The following SLC25A47 variants were observed in gnomAD, a reference collection of about 807,000 sequenced individuals.
SLC25A47 encodes the protein solute carrier family 25 member 47.
Under a neutral mutation model 29.8 loss-of-function variants are expected in SLC25A47, and 30 were observed. That is an observed-to-expected ratio of 1.01 (90% confidence interval 0.75 to 1.36). The LOEUF is 1.36. Among genes scored for constraint, SLC25A47 ranks in the 40% most tolerant of loss-of-function variants. The probability of loss-of-function intolerance (pLI) is 0.00; values close to 1 mark genes in which losing one functional copy is unlikely to be tolerated. For synonymous variants in SLC25A47, 204 were observed against 197.8 expected, an observed-to-expected ratio of 1.03 and a Z score of -0.26; for missense variants, 430 against 441.9, an observed-to-expected ratio of 0.97 and a Z score of 0.24.
At chr14:100,325,540 G>C (rs1334465656) in intron 1 of SLC25A47, among the ~76,000 whole-genome samples, 1 of 152,210 alleles carries the variant, frequency 6.6e-6, no homozygotes, top group Admixed American at 6.5e-5. Flanking sequence ...AGGCAGTCCC[G>C]GGCCAGGACT....
chr14:100,329,325 C>A, intron 5 of SLC25A47, 40 bp from the exon 6 acceptor site: 1 of 1,549,126 alleles, frequency 6.5e-7, no homozygotes. Flanking sequence ...CTGGGCGCCC[C>A]GATCAGGCTC....
chr14:100,329,675 C>G lies in SLC25A47; in HGVS notation c.*30C>G, dbSNP rs764121561. The G allele has an allele frequency of 6.3e-7, 1 of 1,586,072 alleles. No homozygotes were observed. The highest frequency in any genetic ancestry group is 8.6e-7 in the Non-Finnish European group (1 of 1,165,514). ...TCCCCACGCCCAGCGGCCCACCCAC[C>G]AGCAGCTGCTGGAGGTCGTAGTGGC... On this transcript the variant is annotated 3_prime_UTR_variant, in exon 6 of 6. Coordinates refer to ENST00000361529, the MANE Select transcript of SLC25A47 (RefSeq NM_207117.4).
intron 4 of SLC25A47, 70 bp from the exon 5 acceptor site, chr14:100,328,656 G>C: frequency 6.7e-7 from 1 of 1,488,730 alleles, no homozygotes; most frequent in Non-Finnish European, 9.4e-7. Flanking sequence ...ACATGAGGCT[G>C]GTGGGAGGCC....
chr14:100,328,034 A>T (rs1893372102), intron 4 of SLC25A47, among the ~76,000 whole-genome samples: 1 of 151,812 alleles, frequency 6.6e-6, no homozygotes, highest in Non-Finnish European at 1.5e-5. Context: ...TGAAATCATG[A>T]GGGTAAAGCC....
Position 100,326,239 on chromosome 14 carries a change from G to A in SLC25A47, c.144+11G>A, listed in dbSNP as rs778416816. 1 of 1,613,090 alleles carries A rather than the reference G, an allele frequency of 6.2e-7. No individual in the cohort carries two copies. Among genetic ancestry groups the A allele is most frequent in the Non-Finnish European group, 8.5e-7 (1 of 1,179,632 alleles). On this transcript the variant is annotated intron_variant, in intron 3 of 5. Coordinates refer to ENST00000361529, the MANE Select transcript of SLC25A47 (RefSeq NM_207117.4). ...TATCACCGAGAGCGCGTAGGTCTGG[G>A]GCCAGGGGCTGGGTAGGGAGACAGG...
In SLC25A47 at chr14:100,329,379, C is replaced by T; in HGVS notation, c.661C>T (p.Leu221=). The T allele has an allele frequency of 1.2e-6, 2 of 1,604,068 alleles. No individual in the cohort carries two copies. The highest frequency in any genetic ancestry group is 2.2e-5 in the East Asian group (1 of 44,734). The part of the protein sequence containing the change: ...GHSRPDVPGV[L]VAGGCAGVLA... ...TCTCTCTGCAGATGTCCCGGGCGTG[C>T]TGGTGGCCGGGGGCTGTGCAGGAGT... The change falls in exon 6 of 6, where the codon CTG becomes TTG. Residue 221 remains leucine (L), a synonymous_variant. Coordinates refer to ENST00000361529, the MANE Select transcript of SLC25A47 (RefSeq NM_207117.4).
At chr14:100,326,703 G>A (rs1347433049) in intron 3 of SLC25A47, among the ~76,000 whole-genome samples, 1 of 152,234 alleles carries the variant, frequency 6.6e-6, no homozygotes, top group Non-Finnish European at 1.5e-5. Context: ...GCCAGGAGCG[G>A]TGGCTTACGC....
chr14:100,328,722 C>G lies in SLC25A47; in HGVS notation c.328-4C>G. The G allele has an allele frequency of 6.2e-7, 1 of 1,612,940 alleles. No individual in the cohort carries two copies. The highest frequency in any genetic ancestry group is 8.5e-7 in the Non-Finnish European group (1 of 1,179,892). On this transcript the variant is annotated splice_polypyrimidine_tract_variant and splice_region_variant and intron_variant, in intron 4 of 5. Coordinates refer to ENST00000361529, the MANE Select transcript of SLC25A47 (RefSeq NM_207117.4). ...GCTGACCCCTGCTTCCTTCTCTGCT[C>G]CAGGTGTTCCTGACGTCGCCCACTG...
rs780538222 is a variant in SLC25A47, at chr14:100,326,183, C to T, written c.99C>T (p.Tyr33=). Residue 33 remains tyrosine (Y), a synonymous_variant, in exon 3 of 6, where the codon TAC becomes TAT. Transcript: ENST00000361529. The part of the protein sequence containing the change: ...VKVRIQTEPK[Y]TGIWHCVRDT... The stretch of plus-strand genomic sequence containing the variant: ...TCAGGATCCAGACGGAGCCAAAGTA[C>T]ACAGGCATCTGGCACTGCGTCCGGG... 2 of 1,613,896 alleles carry T rather than the reference C, an allele frequency of 1.2e-6. No individual in the cohort carries two copies. The highest frequency in any genetic ancestry group is 3.3e-5 in the Admixed American group (2 of 60,010).
intron 1 of SLC25A47, among the ~76,000 whole-genome samples, chr14:100,324,045 C>A (rs543446673): frequency 1.3e-5 from 2 of 152,044 alleles, no homozygotes; most frequent in South Asian, 4.1e-4. Flanking sequence ...CCCTGGGACA[C>A]GGGCTCAGCT....
chr14:100,325,840 A>G lies in SLC25A47; in HGVS notation c.72+9A>G, dbSNP rs773936277. 7 of 1,610,982 alleles carry G rather than the reference A, an allele frequency of 4.3e-6. No individual in the cohort carries two copies. Among genetic ancestry groups the G allele is most frequent in the Non-Finnish European group, 5.9e-6 (7 of 1,178,598 alleles). On this transcript the variant is annotated intron_variant, in intron 2 of 5. Transcript: ENST00000361529. The stretch of plus-strand genomic sequence containing the variant: ...CCCTGGACACGGTGAAGGTGCGGCA[A>G]TAGCCAGCCCCCCAACCATCCTAAG...
At chr14:100,329,287 C>T (rs1461307749) in intron 5 of SLC25A47, 78 bp from the exon 6 acceptor site, 24 of 1,496,222 alleles carry the variant, frequency 1.6e-5, no homozygotes, top group East Asian at 1.4e-4. Context: ...GAGGACGGGC[C>T]GGAAGCGTGA....
rs1191079638 is a variant in SLC25A47 at position 100,329,350 on chromosome 14, G to A, written c.647-15G>A. 1.9e-6 allele frequency: 3 copies of A among 1,582,132 alleles called. No homozygotes were observed. Among genetic ancestry groups the A allele is most frequent in the African/African-American group, 1.3e-5 (1 of 74,300 alleles). Reference sequence around the variant, plus strand: ...CGATCAGGCTCCCAGTCAAGGCACTGTGGTCTCTCTGCAGATGTCCCGGGC... The same window carrying A: ...CGATCAGGCTCCCAGTCAAGGCACTATGGTCTCTCTGCAGATGTCCCGGGC... On this transcript the variant is annotated splice_polypyrimidine_tract_variant and intron_variant, in intron 5 of 5. Coordinates refer to ENST00000361529, the MANE Select transcript of SLC25A47 (RefSeq NM_207117.4).
intron 3 of SLC25A47, 128 bp from the exon 4 acceptor site, chr14:100,327,060 G>T: frequency 1.2e-6 from 1 of 863,208 alleles, no homozygotes; most frequent in South Asian, 1.8e-5. Context: ...AGGAAACTGA[G>T]GCCCTGAGGC....
chr14:100,326,621 G>A (rs974113416), intron 3 of SLC25A47, among the ~76,000 whole-genome samples: 2 of 152,344 alleles, frequency 1.3e-5, no homozygotes, highest in South Asian at 2.1e-4. Flanking sequence ...TGGACTTGGG[G>A]CTTGGTGCAG....
At position 100,328,802 on chromosome 14, in the gene SLC25A47, G is replaced by A. The variant is rs35007880; in HGVS notation, c.404G>A (p.Arg135Gln). 31 of 1,612,752 alleles carry A rather than the reference G, an allele frequency of 1.9e-5. No individual in the cohort carries two copies. The African/African-American group carries it at 2.3e-4, about 12-fold the overall frequency. Reference protein sequence around the residue: ...TQTQAQKQQRRLSASGPLAVP... With the variant: ...TQTQAQKQQRQLSASGPLAVP... ...ACACAGGCGCAGAAGCAGCAGCGGC[G>A]GCTTTCGGCCTCGGGGCCGTTGGCT... The change falls in exon 5 of 6, where the codon CGG becomes CAG. Residue 135 changes from arginine (R) to glutamine (Q), a missense_variant. Coordinates refer to ENST00000361529, the MANE Select transcript of SLC25A47 (RefSeq NM_207117.4).
At chr14:100,326,722 C>A (rs1003276026) in intron 3 of SLC25A47, among the ~76,000 whole-genome samples, 1 of 152,206 alleles carries the variant, frequency 6.6e-6, no homozygotes, top group Admixed American at 6.5e-5. Flanking sequence ...GCCTGTAATC[C>A]CAGCACTTTG....
At position 100,326,213 on chromosome 14, in the gene SLC25A47, G is replaced by C. The variant is rs764195260; in HGVS notation, c.129G>C (p.Thr43=). The C allele has an allele frequency of 1.9e-6, 3 of 1,613,726 alleles. No homozygotes were observed. The highest frequency in any genetic ancestry group is 1.7e-5 in the Admixed American group (1 of 59,988). The change falls in exon 3 of 6, where the codon ACG becomes ACC. Residue 43 remains threonine (T), a synonymous_variant. Coordinates refer to ENST00000361529, the MANE Select transcript of SLC25A47 (RefSeq NM_207117.4). ...GCATCTGGCACTGCGTCCGGGATAC[G>C]TATCACCGAGAGCGCGTAGGTCTGG... ...YTGIWHCVRD[T]YHRERVWGFY... is the part of the protein sequence containing the mutation.
At chr14:100,327,104 T>C (rs981063510) in intron 3 of SLC25A47, 84 bp from the exon 4 acceptor site, 2 of 1,334,204 alleles carry the variant, frequency 1.5e-6, no homozygotes, top group African/African-American at 2.9e-5. Flanking sequence ...GACAGCGGAG[T>C]GCGGAGCAGG....
Sources: gnomAD v4.1 joint callset for allele counts (sites outside exome capture counted in the v4.1 genomes callset) on GRCh38, gnomAD v4.1.1 for gene constraint, MANE v1.5 for transcripts, NCBI Gene and HGNC (gene_info 2026-07-23, HGNC 2026-07-21) for gene names.